Variants in GRIK2 observed in about 807,000 individuals in gnomAD.
GRIK2 encodes glutamate ionotropic receptor kainate type subunit 2.
Under a neutral mutation model 100.3 loss-of-function variants are expected in GRIK2, and 32 were observed. The observed-to-expected ratio is 0.32, with a 90% CI of 0.24 to 0.43. The LOEUF (loss-of-function observed/expected upper bound fraction) is 0.43. Ranked by LOEUF, GRIK2 falls within the 20% of genes least tolerant of loss-of-function variation. The probability of loss-of-function intolerance (pLI) is 1.00; values close to 1 mark genes in which losing one functional copy is unlikely to be tolerated. For synonymous variants in GRIK2, 417 were observed against 389.4 expected (o/e 1.07, Z -0.83); for missense variants, 843 against 1,114.9 (o/e 0.76, Z 3.47).
In GRIK2 at chr6:101,478,221, T is replaced by G. The variant is rs150632654; in HGVS notation, c.115+78829T>G. ...TAGGTTTTTTTGAGTCCTTGAAAAT[T>G]ATTAGGTACTTCAAAAATCTGGTTC... On this transcript the variant is annotated intron_variant, in intron 2 of 16. Transcript: ENST00000369134. Among the ~76,000 whole-genome samples, 856 of 152,196 alleles carry G rather than the reference T, an allele frequency of 5.6e-3. 9 individuals carry two copies. The highest frequency in any genetic ancestry group is 0.019 in the African/African-American group (806 of 41,546).
chr6:101,825,172 C>T (rs573648216), intron 10 of GRIK2, among the ~76,000 whole-genome samples: 100 of 152,232 alleles, frequency 6.6e-4, no homozygotes, highest in African/African-American at 1.1e-3. Context: ...TATTAAAATG[C>T]GAGATAAGAG....
chr6:101,943,400 G>C (rs1232207533), intron 14 of GRIK2, among the ~76,000 whole-genome samples: 3 of 152,174 alleles, frequency 2.0e-5, no homozygotes, highest in Admixed American at 2.0e-4. Flanking sequence ...CTGCCTAATG[G>C]AAATGTGAGA....
chr6:101,462,262 T>G (rs1695869332), intron 2 of GRIK2, among the ~76,000 whole-genome samples: 1 of 152,218 alleles, frequency 6.6e-6, no homozygotes, highest in Non-Finnish European at 1.5e-5. Flanking sequence ...TATAGCAATG[T>G]GCTCCATCTG....
At chr6:101,604,852 C>T (rs509447) in intron 2 of GRIK2, among the ~76,000 whole-genome samples, 56,264 of 151,708 alleles carry the variant, frequency 0.37, 11,217 homozygotes, top group African/African-American at 0.52. Flanking sequence ...CCTTTTTAGG[C>T]ACAATTAAAT....
At chr6:101,560,506 C>A (rs1441975846) in intron 2 of GRIK2, among the ~76,000 whole-genome samples, 1 of 151,970 alleles carries the variant, frequency 6.6e-6, no homozygotes, top group East Asian at 1.9e-4. Flanking sequence ...TTATTCCAGT[C>A]TTGCCATCTT....
At chr6:102,028,704 T>G (rs971653802) in intron 14 of GRIK2, among the ~76,000 whole-genome samples, 1 of 147,920 alleles carries the variant, frequency 6.8e-6, no homozygotes, top group Non-Finnish European at 1.5e-5. Context: ...AATATAACTA[T>G]AAGGATAATA....
chr6:101,886,739 C>T (rs1934668), intron 11 of GRIK2, among the ~76,000 whole-genome samples: 2,413 of 151,222 alleles, frequency 0.016, 70 homozygotes, highest in African/African-American at 0.056. Flanking sequence ...AGTTTTATTT[C>T]CTTTGACCAG....
chr6:101,465,553 G>A (rs1198534218), intron 2 of GRIK2, among the ~76,000 whole-genome samples: 1 of 152,044 alleles, frequency 6.6e-6, no homozygotes, highest in East Asian at 1.9e-4. Context: ...CTTTGTTATT[G>A]TGGAGAACTT....
intron 7 of GRIK2, among the ~76,000 whole-genome samples, chr6:101,727,890 A>T (rs1018586515): frequency 1.3e-5 from 2 of 152,094 alleles, no homozygotes; most frequent in African/African-American, 4.8e-5. Context: ...ATGCATATAT[A>T]TTAGCGGTGG....
In GRIK2 at chr6:101,455,590, T is replaced by TA. The variant is rs571467600; in HGVS notation, c.115+56208dup. On this transcript the variant is annotated intron_variant, in intron 2 of 16. Coordinates refer to ENST00000369134, the MANE Select transcript of GRIK2 (RefSeq NM_021956.5). Reference sequence around the variant, plus strand: ...TAGAAATATACTTCCCAAGTTAATTTAAAAAAAAAAGTGACTATTTCGGGG... The same window carrying TA: ...TAGAAATATACTTCCCAAGTTAATTTAAAAAAAAAAAGTGACTATTTCGGGG... Among the ~76,000 whole-genome samples, 239 of 148,814 alleles carry TA rather than the reference T, an allele frequency of 1.6e-3. 2 individuals carry two copies. In the South Asian group the frequency reaches 0.025, roughly 16 times the overall value.
At chr6:101,477,463 C>G (rs369325527) in intron 2 of GRIK2, among the ~76,000 whole-genome samples, 35 of 152,326 alleles carry the variant, frequency 2.3e-4, no homozygotes, top group African/African-American at 6.0e-4. Flanking sequence ...ATCTCCCTTC[C>G]TCTGTAGCTG....
intron 11 of GRIK2, among the ~76,000 whole-genome samples, chr6:101,870,232 CATT>C (rs761574340): frequency 3.3e-5 from 5 of 151,794 alleles, no homozygotes; most frequent in Non-Finnish European, 7.4e-5. Flanking sequence ...ATACATACAT[CATT>C]AAGGTCCTTT....
intron 2 of GRIK2, among the ~76,000 whole-genome samples, chr6:101,417,256 C>T (rs1374774195): frequency 6.6e-6 from 1 of 152,142 alleles, no homozygotes; most frequent in African/African-American, 2.4e-5. Flanking sequence ...CCAGGTCCCT[C>T]CCACAACATG....
intron 2 of GRIK2, among the ~76,000 whole-genome samples, chr6:101,507,712 T>C (rs190880779): frequency 6.6e-6 from 1 of 152,288 alleles, no homozygotes; most frequent in African/African-American, 2.4e-5. Context: ...AAAACTAAGC[T>C]ATGTTTTATT....
intron 2 of GRIK2, among the ~76,000 whole-genome samples, chr6:101,613,993 C>T (rs908714405): frequency 6.6e-5 from 10 of 151,572 alleles, no homozygotes; most frequent in African/African-American, 2.4e-4. Context: ...GAACTTTGTG[C>T]TGGAGCTCTC....
chr6:101,930,594 C>A (rs1047152827), intron 14 of GRIK2, among the ~76,000 whole-genome samples: 7 of 151,918 alleles, frequency 4.6e-5, no homozygotes, highest in Non-Finnish European at 1.0e-4. Context: ...TTCCAGAAGA[C>A]TCAAATATTT....
chr6:101,932,953 C>G (rs1790380198), intron 14 of GRIK2, among the ~76,000 whole-genome samples: 1 of 151,982 alleles, frequency 6.6e-6, no homozygotes, highest in South Asian at 2.1e-4. Flanking sequence ...TTCTTCTTAA[C>G]CTTTAAATGT....
At chr6:101,779,046 T>C (rs1012242320) in intron 7 of GRIK2, among the ~76,000 whole-genome samples, 4 of 152,134 alleles carry the variant, frequency 2.6e-5, no homozygotes, top group African/African-American at 9.6e-5. Context: ...AATATTAATG[T>C]CAATTTTTAT....
intron 2 of GRIK2, among the ~76,000 whole-genome samples, chr6:101,618,684 G>A (rs990576430): frequency 1.3e-5 from 2 of 151,590 alleles, no homozygotes; most frequent in Non-Finnish European, 3.0e-5. Context: ...ACTTGATTTA[G>A]TTAGTATTTG....
Sources: gnomAD v4.1 joint callset for allele counts (sites outside exome capture counted in the v4.1 genomes callset) on GRCh38, gnomAD v4.1.1 for gene constraint, MANE v1.5 for transcripts, NCBI Gene and HGNC (gene_info 2026-07-23, HGNC 2026-07-21) for gene names.